The following ADAM23 variants were observed in gnomAD, a reference collection of about 807,000 sequenced individuals.
ADAM23 encodes ADAM metallopeptidase domain 23, also known as disintegrin and metalloproteinase domain-containing protein 23.
ADAM23 carries 33 observed loss-of-function variants against 120.1 expected under a neutral mutation model. The observed-to-expected ratio is 0.27, with a 90% CI of 0.21 to 0.37. The LOEUF is 0.37. ADAM23 is among the 10% of genes least tolerant of loss of function. The pLI is 1.00. For synonymous variants in ADAM23, 367 were observed against 375.2 expected (o/e 0.98, Z 0.25); for missense variants, 862 against 1,058.2 (o/e 0.81, Z 2.57).
At chr2:206,467,429 G>A (rs1695563127) in intron 2 of ADAM23, among the ~76,000 whole-genome samples, 1 of 152,234 alleles carries the variant, frequency 6.6e-6, no homozygotes, top group Non-Finnish European at 1.5e-5. Flanking sequence ...ATGCAAGTCT[G>A]AAACCCACCT....
At chr2:206,519,928 T>A (rs1198623210) in intron 3 of ADAM23, among the ~76,000 whole-genome samples, 2 of 152,104 alleles carry the variant, frequency 1.3e-5, no homozygotes, top group African/African-American at 4.8e-5. Context: ...GGTGGGAGAA[T>A]TGCTTGAACC....
At chr2:206,481,195 A>C (rs750001691) in intron 2 of ADAM23, 37 bp from the exon 3 acceptor site, 5 of 1,527,678 alleles carry the variant, frequency 3.3e-6, no homozygotes, top group Middle Eastern at 1.7e-4. Context: ...AAGACAGGAA[A>C]GTAAGTTAAG....
intron 18 of ADAM23, among the ~76,000 whole-genome samples, chr2:206,575,220 ATAG>A (rs1698087646): frequency 6.6e-6 from 1 of 152,214 alleles, no homozygotes; most frequent in Admixed American, 6.5e-5. Flanking sequence ...TAGCTGGAGA[ATAG>A]TAGAAACAAA....
chr2:206,443,903 C>A lies in ADAM23; in HGVS notation c.37C>A (p.Leu13Met). The change falls in exon 1 of 26, where the codon CTG becomes ATG. Residue 13 changes from leucine (L) to methionine (M), a missense_variant. Transcript: ENST00000264377. ...CGGCAGCAGCTCGCGGCAGCCGCCC[C>A]TGGCGGGCTGCAGCCTTGCCGGCGC... ...PPGSSSRQPP[L>M]AGCSLAGASC... The A allele has an allele frequency of 1.7e-6, 2 of 1,192,478 alleles. No homozygotes were observed. The highest frequency in any genetic ancestry group is 1.0e-6 in the Non-Finnish European group (1 of 965,596). 73.9% of individuals were successfully genotyped at this position (1,192,478 alleles called of 1,614,324 possible).
intron 3 of ADAM23, among the ~76,000 whole-genome samples, chr2:206,512,174 G>A (rs1696636523): frequency 6.6e-6 from 1 of 152,194 alleles, no homozygotes; most frequent in Non-Finnish European, 1.5e-5. Flanking sequence ...ATAGCCACAT[G>A]CTTATTTCAT....
At chr2:206,615,918 G>A (rs887948492) in intron 25 of ADAM23, among the ~76,000 whole-genome samples, 3 of 152,170 alleles carry the variant, frequency 2.0e-5, no homozygotes, top group African/African-American at 4.8e-5. Flanking sequence ...GGTCATTCCC[G>A]AATTTGAATA....
At chr2:206,459,144 G>A (rs1695361342) in intron 2 of ADAM23, among the ~76,000 whole-genome samples, 1 of 152,176 alleles carries the variant, frequency 6.6e-6, no homozygotes, top group Non-Finnish European at 1.5e-5. Context: ...ATGTAATGGA[G>A]TTTCATCTCT....
At chr2:206,500,576 T>G (rs1017485157) in intron 3 of ADAM23, among the ~76,000 whole-genome samples, 1 of 152,170 alleles carries the variant, frequency 6.6e-6, no homozygotes, top group African/African-American at 2.4e-5. Context: ...GGTAATACCT[T>G]TCACAGAGAA....
intron 18 of ADAM23, among the ~76,000 whole-genome samples, chr2:206,583,781 CTTGCTTTTGGCT>C (rs1411517480): frequency 6.6e-6 from 1 of 151,540 alleles, no homozygotes; most frequent in East Asian, 1.9e-4. Flanking sequence ...TTTGGATTTC[CTTGCTTTTGGCT>C]TTGCCTTTCT....
intron 4 of ADAM23, among the ~76,000 whole-genome samples, chr2:206,539,626 C>T (rs2300964): frequency 0.08 from 12,231 of 152,160 alleles, 606 homozygotes; most frequent in Admixed American, 0.14. Context: ...GTGGAAGGCA[C>T]CCCTGGAGCT....
chr2:206,581,251 T>C (rs1009126367), intron 18 of ADAM23, among the ~76,000 whole-genome samples: 1 of 151,918 alleles, frequency 6.6e-6, no homozygotes, highest in African/African-American at 2.4e-5. Flanking sequence ...GGCTGTTTTC[T>C]TTCTTCCGCT....
chr2:206,484,037 A>C (rs969692508), intron 3 of ADAM23, among the ~76,000 whole-genome samples: 1 of 152,140 alleles, frequency 6.6e-6, no homozygotes, highest in African/African-American at 2.4e-5. Context: ...GGGAGGTTGA[A>C]GATGCAGAAA....
intron 17 of ADAM23, among the ~76,000 whole-genome samples, chr2:206,572,571 C>T (rs1189535535): frequency 6.6e-6 from 1 of 152,138 alleles, no homozygotes; most frequent in Non-Finnish European, 1.5e-5. Context: ...GGGCAATGGG[C>T]TCTTTCCTTC....
intron 3 of ADAM23, among the ~76,000 whole-genome samples, chr2:206,504,228 G>A (rs1480172811): frequency 6.6e-6 from 1 of 152,080 alleles, no homozygotes; most frequent in Admixed American, 6.6e-5. Flanking sequence ...TGTATTAGAT[G>A]TAATTTTACT....
chr2:206,590,720 T>G (rs1698409874), intron 21 of ADAM23, among the ~76,000 whole-genome samples: 1 of 152,198 alleles, frequency 6.6e-6, no homozygotes, highest in Admixed American at 6.5e-5. Flanking sequence ...AGAACAGAGC[T>G]TCTTATCTGA....
At position 206,594,873 on chromosome 2, in the gene ADAM23, G is replaced by T; in HGVS notation, c.2215G>T (p.Asp739Tyr). 6.2e-7 allele frequency: 1 copy of T among 1,614,056 alleles called. No homozygotes were observed. The highest frequency in any genetic ancestry group is 8.5e-7 in the Non-Finnish European group (1 of 1,179,934). The change falls in exon 23 of 26, where the codon GAT (aspartate) becomes TAT (tyrosine). Residue 739 changes from aspartate (D) to tyrosine (Y), a missense_variant. Transcript: ENST00000264377. ...QALNMSSCPL[D>Y]SKGKVCSGHG... ...CCTAAATATGAGCAGCTGTCCACTCGATTCCAAGGGTAAAGTCTGTTCGGG... is the reference window on the plus strand; with the variant it reads ...CCTAAATATGAGCAGCTGTCCACTCTATTCCAAGGGTAAAGTCTGTTCGGG...
Position 206,445,218 on chromosome 2 carries a change from A to G in ADAM23, c.215-89A>G, listed in dbSNP as rs1055847618. On this transcript the variant is annotated intron_variant, in intron 1 of 25. Coordinates refer to ENST00000264377, the MANE Select transcript of ADAM23 (RefSeq NM_003812.4). ...GTGTTTGAAATTAAAGGAAAAATGC[A>G]TTTTAGTGCTTATGTATTTATGGGG... The G allele has an allele frequency of 1.3e-5, 12 of 930,520 alleles. No homozygotes were observed. In the Middle Eastern group the frequency reaches 1.6e-3, roughly 123 times the overall value. 57.6% of individuals were successfully genotyped at this position (930,520 alleles called of 1,614,324 possible). A position where few individuals can be genotyped will look rare whatever the true frequency, so the allele number is the denominator to read the frequency against.
rs189411872 is a variant in ADAM23 at position 206,557,414 on chromosome 2, A to G, written c.934-13A>G. On this transcript the variant is annotated splice_polypyrimidine_tract_variant and intron_variant, in intron 9 of 25. Transcript: ENST00000264377. Reference sequence around the variant, plus strand: ...TATGATTTGGCAGTGACTGGTATGTATTTCCCCCCTAGTATAAGAAGCATC... The same window carrying G: ...TATGATTTGGCAGTGACTGGTATGTGTTTCCCCCCTAGTATAAGAAGCATC... 983 of 1,608,540 alleles carry G rather than the reference A, an allele frequency of 6.1e-4. 1 individual carries two copies. Among genetic ancestry groups the G allele is most frequent in the Non-Finnish European group, 1.0e-4 (120 of 1,175,046 alleles).
In ADAM23 at chr2:206,542,092, T is replaced by C. The variant is rs769187767; in HGVS notation, c.614T>C (p.Val205Ala). The change falls in exon 5 of 26, where the codon GTC (valine) becomes GCC (alanine). Residue 205 changes from valine (V) to alanine (A), a missense_variant. Physicochemically the swap from Val to Ala is moderately conservative, Grantham distance 64. Coordinates refer to ENST00000264377, the MANE Select transcript of ADAM23 (RefSeq NM_003812.4). ...HCYYHGSIRG[V>A]KDSKVALSTC... is the part of the protein sequence containing the mutation. ...TACTACCATGGAAGCATCAGAGGCG[T>C]CAAAGACTCCAAGGTGGCTCTGTCA... 86 of 1,614,036 alleles carry C rather than the reference T, an allele frequency of 5.3e-5. 2 individuals carry two copies. The South Asian group carries it at 5.7e-4, about 11-fold the overall frequency.
Sources: allele counts gnomAD v4.1 joint callset (sites outside exome capture counted in the v4.1 genomes callset), GRCh38; gene constraint gnomAD v4.1.1; transcripts MANE v1.5; gene names NCBI Gene and HGNC (gene_info 2026-07-23, HGNC 2026-07-21).